The following WASHC2A variants were observed in gnomAD, a reference collection of about 807,000 sequenced individuals.
WASHC2A encodes WASH complex subunit 2A.
WASHC2A carries 82 observed loss-of-function variants against 140.3 expected under a neutral mutation model. The observed-to-expected ratio is 0.58, with a 90% CI of 0.49 to 0.70. The LOEUF is 0.70. WASHC2A is among the 30% of genes least tolerant of loss of function. WASHC2A has a pLI of 0.00. For synonymous variants in WASHC2A, 340 were observed against 560.8 expected (o/e 0.61, Z 5.56); for missense variants, 985 against 1,521.8 (o/e 0.65, Z 5.87).
chr10:50,129,455 AC>A lies in WASHC2A; in HGVS notation c.3127del (p.Arg1043ValfsTer17), dbSNP rs1280558927. 1.2e-6 allele frequency: 2 copies of A among 1,611,926 alleles called. No individual in the cohort carries two copies. Among genetic ancestry groups the A allele is most frequent in the East Asian group, 2.2e-5 (1 of 44,894 alleles). ...GATGAGAGGGAAGCGTAGACCGCAG[AC>A]CCGTGCAGCTAGGCGGCTGGCTGCT... is the stretch of plus-strand genomic sequence containing the variant. ...VKMRGKRRPQ[T>X]RAARRLAAQE... is the part of the protein sequence containing the mutation. On this transcript the variant is annotated frameshift_variant, in exon 29 of 31. Coordinates refer to ENST00000282633, the MANE Select transcript of WASHC2A (RefSeq NM_001005751.3). LOFTEE classifies it high-confidence loss of function.
Position 50,132,876 on chromosome 10 carries a change from T to C in WASHC2A, c.3957T>C (p.Pro1319=). Residue 1319 remains proline (P), a synonymous_variant, in exon 31 of 31, where the codon CCT becomes CCC. Coordinates refer to ENST00000282633, the MANE Select transcript of WASHC2A (RefSeq NM_001005751.3). The part of the protein sequence containing the change: ...KPKSRSAQAA[P]EPRFEHKVSN... ...AAAGCCGATCTGCACAGGCCGCACC[T>C]GAACCAAGATTTGAACACAAGGTGT... 2 of 1,612,062 alleles carry C rather than the reference T, an allele frequency of 1.2e-6. No homozygotes were observed. Among genetic ancestry groups the C allele is most frequent in the South Asian group, 1.1e-5 (1 of 90,994 alleles).
At chr10:50,114,629 G>A (rs1249955242) in intron 21 of WASHC2A, among the ~76,000 whole-genome samples, 2 of 100,202 alleles carry the variant, frequency 2.0e-5, no homozygotes, top group East Asian at 3.0e-4. Flanking sequence ...TGAAAGCATC[G>A]ATAGCACATT....
chr10:50,072,571 C>G (rs1355250889), intron 3 of WASHC2A, among the ~76,000 whole-genome samples: 6 of 142,786 alleles, frequency 4.2e-5, no homozygotes, highest in African/African-American at 1.5e-4. Context: ...ACTGCAAGCT[C>G]TACCTCCCGG....
At chr10:50,115,778 A>AT (rs1206808026) in intron 21 of WASHC2A, among the ~76,000 whole-genome samples, 24 of 146,992 alleles carry the variant, frequency 1.6e-4, no homozygotes, top group Non-Finnish European at 3.3e-4. Flanking sequence ...ATTTTAGACA[A>AT]TTTTTTTTTC....
Position 50,129,732 on chromosome 10 carries a change from A to G in WASHC2A, c.3401A>G (p.Asp1134Gly). ...RGEADLFDSG[D>G]IFSTGTGSQS... Reference sequence around the variant, plus strand: ...GAGGCTGACCTTTTTGATTCTGGGGACATCTTTTCCACGGGCACTGGATCT... The same window carrying G: ...GAGGCTGACCTTTTTGATTCTGGGGGCATCTTTTCCACGGGCACTGGATCT... The change falls in exon 29 of 31, where the codon GAC becomes GGC. Residue 1134 changes from aspartate to glycine, a missense_variant. Physicochemically the swap from Asp to Gly is moderately conservative, Grantham distance 94. Transcript: ENST00000282633. The G allele has an allele frequency of 3.1e-6, 5 of 1,612,054 alleles. No homozygotes were observed. The South Asian group carries it at 5.5e-5, about 18-fold the overall frequency.
Position 50,091,519 on chromosome 10 carries a change from G to C in WASHC2A, c.931+1G>C. 6.5e-7 allele frequency: 1 copy of C among 1,549,632 alleles called. No homozygotes were observed. The highest frequency in any genetic ancestry group is 8.7e-7 in the Non-Finnish European group (1 of 1,146,866). ...GGTCGAGTGGACGAGGAGCCGACAA[G>C]TGAGCCCCAGCCGCGTTGATGGGGA... On this transcript the variant is annotated splice_donor_variant, in intron 10 of 30. Coordinates refer to ENST00000282633, the MANE Select transcript of WASHC2A (RefSeq NM_001005751.3). LOFTEE classifies it high-confidence loss of function.
chr10:50,114,176 G>A lies in WASHC2A; in HGVS notation c.2142+179G>A, dbSNP rs537664439. Among the ~76,000 whole-genome samples the A allele has an allele frequency of 2.1e-5, 2 of 93,178 alleles. 1 individual carries two copies. Among genetic ancestry groups the A allele is most frequent in the Non-Finnish European group, 4.4e-5 (2 of 45,344 alleles). 61.1% of individuals were successfully genotyped at this position (93,178 alleles called of 152,430 possible). A position where few individuals can be genotyped will look rare whatever the true frequency, so the allele number is the denominator to read the frequency against. On this transcript the variant is annotated intron_variant, in intron 21 of 30. Coordinates refer to ENST00000282633, the MANE Select transcript of WASHC2A (RefSeq NM_001005751.3). Reference sequence around the variant, plus strand: ...ATAGTATTCTAGAGAAGAAGCACACGTGCAAAACCATCATTCAGTGTCAGG... The same window carrying A: ...ATAGTATTCTAGAGAAGAAGCACACATGCAAAACCATCATTCAGTGTCAGG...
At position 50,118,039 on chromosome 10, in the gene WASHC2A, A is replaced by T. The variant is rs782367993; in HGVS notation, c.2276A>T (p.Asp759Val). 3 of 1,607,456 alleles carry T rather than the reference A, an allele frequency of 1.9e-6. No individual in the cohort carries two copies. The African/African-American group carries it at 4.0e-5, about 22-fold the overall frequency. The change falls in exon 22 of 31, where the codon GAT becomes GTT. Residue 759 changes from aspartate (D) to valine (V), a missense_variant. Physicochemically the swap from Asp to Val is radical, Grantham distance 152. Coordinates refer to ENST00000282633, the MANE Select transcript of WASHC2A (RefSeq NM_001005751.3). The part of the protein sequence containing the change: ...AKESLKFGRT[D>V]VAESEKEGLL... ...GAGTCATTAAAATTTGGGAGAACTG[A>T]TGTGGCTGAGTCAGAAAAGGTGGAC...
intron 3 of WASHC2A, among the ~76,000 whole-genome samples, chr10:50,077,340 T>C (rs1346286316): frequency 1.3e-5 from 2 of 152,000 alleles, no homozygotes; most frequent in African/African-American, 4.8e-5. Flanking sequence ...GCTCTAAATA[T>C]ATGCACTTGT....
rs1170971348 is a variant in WASHC2A at position 50,087,310 on chromosome 10, T to A, written c.720T>A (p.Asn240Lys). The part of the protein sequence containing the change: ...SDEDFAHHSD[N>K]EQNRHTTQMS... ...AAGATTTTGCCCATCATAGTGACAA[T>A]GAACAAAACCGGGTAAGGCTCATAT... The change falls in exon 8 of 31, where the codon AAT becomes AAA. Residue 240 changes from asparagine (N) to lysine (K), a missense_variant. Asn to Lys is a moderately conservative substitution (Grantham distance 94). Coordinates refer to ENST00000282633, the MANE Select transcript of WASHC2A (RefSeq NM_001005751.3). The A allele has an allele frequency of 6.2e-7, 1 of 1,613,868 alleles. No individual in the cohort carries two copies. The highest frequency in any genetic ancestry group is 8.5e-7 in the Non-Finnish European group (1 of 1,179,866).
chr10:50,106,013 T>C (rs1281204055), intron 18 of WASHC2A, among the ~76,000 whole-genome samples: 1 of 152,224 alleles, frequency 6.6e-6, no homozygotes, highest in Non-Finnish European at 1.5e-5. Flanking sequence ...CCCCCTGAAA[T>C]GAGCAGAGAG....
chr10:50,085,802 A>C (rs1397760062), intron 7 of WASHC2A, among the ~76,000 whole-genome samples: 1 of 144,452 alleles, frequency 6.9e-6, no homozygotes, highest in Non-Finnish European at 1.5e-5. Context: ...CCACCTTGCC[A>C]CCAAATATCT....
At chr10:50,099,380 C>T (rs1200310780) in intron 16 of WASHC2A, among the ~76,000 whole-genome samples, 1 of 151,166 alleles carries the variant, frequency 6.6e-6, no homozygotes, top group Admixed American at 6.6e-5. Flanking sequence ...AGCGATTCTC[C>T]AGCCTCAGCC....
chr10:50,098,425 A>G (rs368385299), intron 16 of WASHC2A, among the ~76,000 whole-genome samples: 131,858 of 139,248 alleles, frequency 0.95, 62,869 homozygotes, highest in East Asian at 1. Context: ...TAGATCCCTC[A>G]CATGCACAGT....
chr10:50,132,447 TG>T (rs1212732356), intron 30 of WASHC2A, among the ~76,000 whole-genome samples: 1 of 152,286 alleles, frequency 6.6e-6, no homozygotes, highest in Non-Finnish European at 1.5e-5. Context: ...GTATTTTTAT[TG>T]CTCTTTTAAA....
At position 50,132,976 on chromosome 10, in the gene WASHC2A, A is replaced by G; in HGVS notation, c.*31A>G. On this transcript the variant is annotated 3_prime_UTR_variant, in exon 31 of 31. Coordinates refer to ENST00000282633, the MANE Select transcript of WASHC2A (RefSeq NM_001005751.3). ...ACAGGGTATCCACATGTTACCCTGC[A>G]GCTACATTGTTGAGTTAGTGATGAT... is the stretch of plus-strand genomic sequence containing the variant. 1 of 1,611,836 alleles carries G rather than the reference A, an allele frequency of 6.2e-7. No individual in the cohort carries two copies. Among genetic ancestry groups the G allele is most frequent in the Non-Finnish European group, 8.5e-7 (1 of 1,179,728 alleles).
intron 3 of WASHC2A, among the ~76,000 whole-genome samples, chr10:50,071,732 T>C (rs1424808022): frequency 1.3e-5 from 2 of 148,672 alleles, no homozygotes; most frequent in African/African-American, 5.0e-5. Flanking sequence ...TTAGGTCTTA[T>C]CTTTTCTCCA....
intron 8 of WASHC2A, among the ~76,000 whole-genome samples, 178 bp downstream of exon 8, chr10:50,087,500 C>G (rs1839489916): frequency 1.3e-5 from 2 of 151,496 alleles, no homozygotes; most frequent in African/African-American, 4.9e-5. Context: ...TATATTTTTT[C>G]CAATTTTGCT....
At chr10:50,095,314 G>C (rs1840368500) in intron 14 of WASHC2A, 107 bp downstream of exon 14, 1 of 982,196 alleles carries the variant, frequency 1.0e-6, no homozygotes, top group Non-Finnish European at 1.5e-6. Context: ...GTACCTGGGA[G>C]CTTCAAAGGG....
Sources: gnomAD v4.1 joint callset for allele counts (sites outside exome capture counted in the v4.1 genomes callset) on GRCh38, gnomAD v4.1.1 for gene constraint, MANE v1.5 for transcripts, NCBI Gene and HGNC (gene_info 2026-07-23, HGNC 2026-07-21) for gene names.